CHRDL1: variants seen among roughly 807,000 people sequenced by gnomAD.
The protein encoded by CHRDL1 is chordin like 1.
In CHRDL1, 19 loss-of-function variants were observed where a neutral mutation model predicts 40.9. That is an observed-to-expected ratio of 0.46 (90% confidence interval 0.32 to 0.68). The LOEUF is 0.68. Among genes scored for constraint, CHRDL1 ranks in the 30% least tolerant of loss-of-function variants. CHRDL1 has a pLI of 0.03. For synonymous variants in CHRDL1, 136 were observed against 123.4 expected (o/e 1.10, Z -0.68); for missense variants, 329 against 352.1 (o/e 0.93, Z 0.53).
chrX:110,749,878 T>TTA (rs748162533), intron 4 of CHRDL1, among the ~76,000 whole-genome samples: 42 of 112,338 alleles, frequency 3.7e-4, no homozygotes, highest in Middle Eastern at 4.7e-3. Flanking sequence ...GGATATCTGG[T>TTA]TACTTTGAGA....
At chrX:110,763,702 G>A (rs753811597) in intron 2 of CHRDL1, among the ~76,000 whole-genome samples, 16 of 110,897 alleles carry the variant, frequency 1.4e-4, no homozygotes, top group East Asian at 1.1e-3. Context: ...ATAAACATGC[G>A]TGTGCAAGTA....
At chrX:110,758,677 C>T (rs1323916130) in intron 4 of CHRDL1, among the ~76,000 whole-genome samples, 1 of 111,700 alleles carries the variant, frequency 9.0e-6, no homozygotes, top group Admixed American at 9.5e-5. Flanking sequence ...TTAAAAAGCA[C>T]CGTCTATACC....
rs1172510821 is a variant in CHRDL1 at position 110,690,039 on chromosome X, C to CTA, written c.779-1238_779-1237dup. 2.1e-4 allele frequency among the ~76,000 whole-genome samples: 11 copies of CTA among 52,487 alleles called. 2 individuals carry two copies. The highest frequency in any genetic ancestry group is 3.3e-4 in the East Asian group (1 of 2,991). The allele number at this position is 52,487 out of a possible 115,157, so 45.6% of individuals were successfully genotyped here. ...TATATATCTGTATATCTATATATAT[C>CTA]TATATATATATATATTTTTTTTTTG... is the stretch of plus-strand genomic sequence containing the variant. On this transcript the variant is annotated intron_variant, in intron 8 of 11. Transcript: ENST00000372042.
chrX:110,764,733 T>A (rs189162914), intron 2 of CHRDL1, among the ~76,000 whole-genome samples: 4 of 111,283 alleles, frequency 3.6e-5, no homozygotes, highest in African/African-American at 9.8e-5. Flanking sequence ...AGGGAAGATA[T>A]CTCTAAATTA....
At chrX:110,726,666 G>A (rs1438295592) in intron 4 of CHRDL1, among the ~76,000 whole-genome samples, 2 of 111,945 alleles carry the variant, frequency 1.8e-5, no homozygotes, top group Non-Finnish European at 3.8e-5. Flanking sequence ...ATTTTAAAAA[G>A]CCCAAAGGTA....
At chrX:110,685,451 C>T (rs2069988694) in intron 9 of CHRDL1, among the ~76,000 whole-genome samples, 1 of 111,207 alleles carries the variant, frequency 9.0e-6, no homozygotes, top group South Asian at 3.8e-4. Flanking sequence ...TTGGTAGAGA[C>T]ATGGTTTTGC....
intron 2 of CHRDL1, among the ~76,000 whole-genome samples, chrX:110,784,956 C>A (rs1008928967): frequency 1.3e-4 from 14 of 111,648 alleles, no homozygotes; most frequent in African/African-American, 4.6e-4. Flanking sequence ...GCTGATGAAA[C>A]CTGACCTGAA....
chrX:110,769,804 C>T (rs182755450), intron 2 of CHRDL1, among the ~76,000 whole-genome samples: 51 of 111,811 alleles, frequency 4.6e-4, no homozygotes, highest in African/African-American at 1.3e-3. Context: ...GACCTCCCGC[C>T]GGGTTTCTCC....
Position 110,689,502 on chromosome X carries a change from A to ATC in CHRDL1, c.779-700_779-699insGA, listed in dbSNP as rs1569461641. 2.3e-3 allele frequency among the ~76,000 whole-genome samples: 118 copies of ATC among 50,264 alleles called. 4 individuals carry two copies. Among genetic ancestry groups the ATC allele is most frequent in the African/African-American group, 0.015 (64 of 4,157 alleles). The allele number at this position is 50,264 out of a possible 115,157, so 43.6% of individuals were successfully genotyped here. On this transcript the variant is annotated intron_variant, in intron 8 of 11. Transcript: ENST00000372042. ...TATATATCTATATCTCTATATATCT[A>ATC]TATATCTATATCTCTATATATCTAT...
At chrX:110,687,884 CT>C (rs772939741) in intron 9 of CHRDL1, among the ~76,000 whole-genome samples, 2 of 111,548 alleles carry the variant, frequency 1.8e-5, no homozygotes, top group African/African-American at 3.3e-5. Flanking sequence ...ATTAACTTGT[CT>C]TTTTTATCAG....
At position 110,688,631 on chromosome X, in the gene CHRDL1, T is replaced by C; in HGVS notation, c.951A>G (p.Gly317=). 1.7e-6 allele frequency: 2 copies of C among 1,210,753 alleles called. No individual in the cohort carries two copies. The highest frequency in any genetic ancestry group is 2.2e-6 in the Non-Finnish European group (2 of 895,060). The part of the protein sequence containing the change: ...YPCKYPQKID[G]KCCKVCPGKK... ...TACCTGGACACACCTTGCAGCATTT[T>C]CCGTCTATTTTTTGAGGATACTTGC... Residue 317 remains glycine, a synonymous_variant, in exon 9 of 12, where the codon GGA becomes GGG. Coordinates refer to ENST00000372042, the MANE Select transcript of CHRDL1 (RefSeq NM_001143981.2).
chrX:110,766,620 A>T (rs890791799), intron 2 of CHRDL1, among the ~76,000 whole-genome samples: 11 of 111,099 alleles, frequency 9.9e-5, no homozygotes, highest in African/African-American at 3.3e-4. Context: ...GAAAAATACA[A>T]CCCTCCTAGC....
chrX:110,751,372 C>T (rs959732065), intron 4 of CHRDL1, among the ~76,000 whole-genome samples: 1 of 111,926 alleles, frequency 8.9e-6, no homozygotes, highest in African/African-American at 3.3e-5. Context: ...TAACAAAGAA[C>T]CCTAATTCTG....
intron 6 of CHRDL1, among the ~76,000 whole-genome samples, chrX:110,718,769 A>G (rs771061721): frequency 8.9e-6 from 1 of 112,123 alleles, no homozygotes; most frequent in Admixed American, 9.5e-5. Context: ...TTTTCTGCAT[A>G]GTACTTGCAT....
At chrX:110,745,479 C>T (rs1005485114) in intron 4 of CHRDL1, among the ~76,000 whole-genome samples, 1 of 111,576 alleles carries the variant, frequency 9.0e-6, no homozygotes, top group African/African-American at 3.3e-5. Flanking sequence ...ACTGCAGTCA[C>T]GGATCCCACA....
chrX:110,710,466 T>C (rs777548048), intron 6 of CHRDL1, among the ~76,000 whole-genome samples: 37 of 112,346 alleles, frequency 3.3e-4, no homozygotes, highest in African/African-American at 1.2e-3. Context: ...AGAAACAGAA[T>C]GGGGTATTAC....
chrX:110,679,914 A>G (rs922946552), intron 10 of CHRDL1, among the ~76,000 whole-genome samples: 3 of 112,088 alleles, frequency 2.7e-5, no homozygotes, highest in Non-Finnish European at 3.8e-5. Context: ...ACTGAAAAGC[A>G]TATTTTCCTT....
chrX:110,691,997 T>G (rs1487314168), intron 8 of CHRDL1, among the ~76,000 whole-genome samples: 1 of 110,613 alleles, frequency 9.0e-6, no homozygotes, highest in African/African-American at 3.3e-5. Flanking sequence ...CACAGTATGC[T>G]TCAAGAAAAT....
chrX:110,725,910 T>C (rs1238252315), intron 4 of CHRDL1, among the ~76,000 whole-genome samples: 1 of 111,450 alleles, frequency 9.0e-6, no homozygotes, highest in Non-Finnish European at 1.9e-5. Context: ...GGGAGGTGGC[T>C]GGAGAAGGGA....
Sources: allele counts gnomAD v4.1 joint callset (sites outside exome capture counted in the v4.1 genomes callset), GRCh38; gene constraint gnomAD v4.1.1; transcripts MANE v1.5; gene names NCBI Gene and HGNC (gene_info 2026-07-23, HGNC 2026-07-21).